LVRN: variants seen among roughly 807,000 people sequenced by gnomAD.
The protein encoded by LVRN is aminopeptidase Q.
Under a neutral mutation model 111.4 loss-of-function variants are expected in LVRN, and 99 were observed. The ratio of observed to expected loss-of-function variants is 0.89; its 90% CI spans 0.76 to 1.05. The LOEUF is 1.05. Ranked by LOEUF, LVRN falls within the 50% of genes least tolerant of loss-of-function variation. The pLI, the probability that LVRN is intolerant of heterozygous loss-of-function variation, is 0.00. For missense variants in LVRN, 1,414 were observed against 1,206.8 expected (o/e 1.17, Z -2.54); for synonymous variants, 488 against 449.5 (o/e 1.09, Z -1.08).
At chr5:115,997,302 C>T (rs1254209744) in intron 6 of LVRN, among the ~76,000 whole-genome samples, 4 of 152,020 alleles carry the variant, frequency 2.6e-5, no homozygotes, top group African/African-American at 7.2e-5. Context: ...CCAAATCCTG[C>T]GTTTTTAATC....
intron 18 of LVRN, among the ~76,000 whole-genome samples, chr5:116,019,447 G>T (rs1197195284): frequency 6.6e-6 from 1 of 152,138 alleles, no homozygotes; most frequent in East Asian, 1.9e-4. Flanking sequence ...TTACAACAGG[G>T]TTCACTCTTG....
intron 10 of LVRN, among the ~76,000 whole-genome samples, chr5:116,002,568 C>G (rs1010368248): frequency 2.6e-5 from 4 of 152,178 alleles, no homozygotes; most frequent in Non-Finnish European, 4.4e-5. Context: ...TTGAAGATTT[C>G]AGACACAAGA....
intron 16 of LVRN, 51 bp downstream of exon 16, chr5:116,014,578 C>A: frequency 6.8e-7 from 1 of 1,460,560 alleles, no homozygotes; most frequent in Non-Finnish European, 9.6e-7. Flanking sequence ...TTAGCACCAG[C>A]AATTTCCCTT....
intron 12 of LVRN, among the ~76,000 whole-genome samples, chr5:116,003,726 C>A (rs530539008): frequency 1.3e-5 from 2 of 151,914 alleles, no homozygotes; most frequent in Non-Finnish European, 2.9e-5. Context: ...GGACTACAGG[C>A]GCCTGCCACC....
At chr5:115,974,771 G>T in intron 1 of LVRN, 1 of 203,394 alleles carries the variant, frequency 4.9e-6, no homozygotes, top group Non-Finnish European at 1.0e-5. Flanking sequence ...TGTAATTATA[G>T]ATATCTGTAA....
In LVRN at chr5:115,963,062, C is replaced by T. The variant is rs747900646; in HGVS notation, c.445C>T (p.Leu149Phe). The part of the protein sequence containing the change: ...VATSRLLLHS[L>F]FQDCERAEVR... ...CACCTCTCGACTGCTGCTGCATAGC[C>T]TCTTCCAGGACTGCGAGCGCGCCGA... is the stretch of plus-strand genomic sequence containing the variant. The change falls in exon 1 of 20, where the codon CTC becomes TTC. Residue 149 changes from leucine to phenylalanine, a missense_variant. By Grantham distance (22) the Leu-to-Phe change is conservative. Coordinates refer to ENST00000357872, the MANE Select transcript of LVRN (RefSeq NM_173800.5). 1 of 1,613,544 alleles carries T rather than the reference C, an allele frequency of 6.2e-7. No individual in the cohort carries two copies. The highest frequency in any genetic ancestry group is 8.5e-7 in the Non-Finnish European group (1 of 1,179,904).
chr5:115,966,369 A>C (rs6896619), intron 1 of LVRN, among the ~76,000 whole-genome samples: 36,215 of 152,170 alleles, frequency 0.24, 5,021 homozygotes, highest in Non-Finnish European at 0.31. Flanking sequence ...CCAAGTATGC[A>C]TCAATAGTTT....
At chr5:116,001,296 A>T (rs143096952) in intron 10 of LVRN, 57 bp downstream of exon 10, 9 of 1,575,808 alleles carry the variant, frequency 5.7e-6, no homozygotes, top group Non-Finnish European at 7.8e-6. Context: ...CTCTGACCCA[A>T]TGGAATCCAG....
intron 1 of LVRN, among the ~76,000 whole-genome samples, chr5:115,973,470 T>A (rs966036659): frequency 1.3e-5 from 2 of 152,232 alleles, no homozygotes; most frequent in Non-Finnish European, 2.9e-5. Flanking sequence ...AAAATTTATA[T>A]AAAATTGGTA....
At chr5:116,005,051 A>G (rs930336429) in intron 12 of LVRN, among the ~76,000 whole-genome samples, 8 of 152,162 alleles carry the variant, frequency 5.3e-5, no homozygotes, top group African/African-American at 1.9e-4. Context: ...ACCATTGTAG[A>G]TTTACTTATT....
At chr5:115,991,595 A>G (rs759831127) in intron 4 of LVRN, among the ~76,000 whole-genome samples, 1 of 152,232 alleles carries the variant, frequency 6.6e-6, no homozygotes, top group Non-Finnish European at 1.5e-5. Flanking sequence ...TGGTCAACCT[A>G]TAGTGACTGT....
intron 13 of LVRN, among the ~76,000 whole-genome samples, chr5:116,010,148 G>A (rs1030927853): frequency 2.6e-5 from 4 of 152,166 alleles, no homozygotes; most frequent in Non-Finnish European, 4.4e-5. Flanking sequence ...GTTAGCATTC[G>A]TTGACAATAA....
intron 1 of LVRN, among the ~76,000 whole-genome samples, chr5:115,971,023 G>C (rs1318101441): frequency 2.0e-5 from 3 of 152,254 alleles, no homozygotes; most frequent in Admixed American, 6.5e-5. Flanking sequence ...CCAGCAGTTG[G>C]TATTGCCAGA....
chr5:115,966,759 T>C (rs1352252145), intron 1 of LVRN, among the ~76,000 whole-genome samples: 2 of 152,216 alleles, frequency 1.3e-5, no homozygotes, highest in African/African-American at 4.8e-5. Context: ...CATTTTATAC[T>C]CCTACCAGCA....
chr5:115,984,755 A>C (rs745940592), intron 3 of LVRN, 46 bp downstream of exon 3: 1 of 1,606,736 alleles, frequency 6.2e-7, no homozygotes, highest in Non-Finnish European at 8.5e-7. Context: ...TACTGGCTGC[A>C]GATTATTCAT....
At chr5:116,019,128 G>A (rs143801322) in intron 18 of LVRN, among the ~76,000 whole-genome samples, 1 of 152,282 alleles carries the variant, frequency 6.6e-6, no homozygotes, top group East Asian at 1.9e-4. Flanking sequence ...ATAGTCTATT[G>A]CTCCTAGGTT....
intron 1 of LVRN, among the ~76,000 whole-genome samples, chr5:115,977,551 T>C (rs1192076721): frequency 6.6e-6 from 1 of 152,224 alleles, no homozygotes; most frequent in Non-Finnish European, 1.5e-5. Flanking sequence ...ATCTTTAGAT[T>C]TGGGAATGCT....
rs528773525 is a variant in LVRN at position 116,000,409 on chromosome 5, A to C, written c.1516-24A>C. The C allele has an allele frequency of 2.5e-6, 4 of 1,612,304 alleles. No homozygotes were observed. The East Asian group carries it at 6.7e-5, about 27-fold the overall frequency. ...TGTGGATATTGAATTTTGTTCAAATAATGGACAGCTTCTTTTGTCCTAGGG... is the reference window on the plus strand; with the variant it reads ...TGTGGATATTGAATTTTGTTCAAATCATGGACAGCTTCTTTTGTCCTAGGG... On this transcript the variant is annotated intron_variant, in intron 7 of 19. Coordinates refer to ENST00000357872, the MANE Select transcript of LVRN (RefSeq NM_173800.5).
chr5:115,978,431 C>T (rs1434699891), intron 1 of LVRN, among the ~76,000 whole-genome samples: 1 of 152,106 alleles, frequency 6.6e-6, no homozygotes, highest in African/African-American at 2.4e-5. Context: ...CTTCGTTTTT[C>T]CATTGTCCTT....
Sources: gnomAD v4.1 joint callset for allele counts (sites outside exome capture counted in the v4.1 genomes callset) on GRCh38, gnomAD v4.1.1 for gene constraint, MANE v1.5 for transcripts, NCBI Gene and HGNC (gene_info 2026-07-23, HGNC 2026-07-21) for gene names.